LRRC52: variants seen among roughly 807,000 people sequenced by gnomAD.
The protein encoded by LRRC52 is leucine rich repeat containing 52, also known as leucine-rich repeat-containing protein 52.
In LRRC52, 15 loss-of-function variants were observed where a neutral mutation model predicts 14.7. That is an observed-to-expected ratio of 1.02 (90% CI 0.68 to 1.58). The LOEUF (loss-of-function observed/expected upper bound fraction) is 1.58, where lower values mean the gene tolerates loss of function less well. Among genes scored for constraint, LRRC52 ranks in the 40% most tolerant of loss-of-function variants. The pLI, the probability that LRRC52 is intolerant of heterozygous loss-of-function variation, is 0.00. For synonymous variants in LRRC52, 180 were observed against 163.9 expected (o/e 1.10, Z -0.75); for missense variants, 400 against 387.7 (o/e 1.03, Z -0.27).
In LRRC52 at chr1:165,549,311, G is replaced by A. The variant is rs559964034; in HGVS notation, c.622+4393G>A. Reference sequence around the variant, plus strand: ...TCCACTTCCAGAGGCAGGTGTGGATGTGTAGACTACATTCTAGGGATGTGT... The same window carrying A: ...TCCACTTCCAGAGGCAGGTGTGGATATGTAGACTACATTCTAGGGATGTGT... On this transcript the variant is annotated intron_variant, in intron 1 of 1. Coordinates refer to ENST00000294818, the MANE Select transcript of LRRC52 (RefSeq NM_001005214.4). Among the ~76,000 whole-genome samples the A allele has an allele frequency of 7.4e-4, 112 of 152,282 alleles. 1 individual carries two copies. The highest frequency in any genetic ancestry group is 3.4e-3 in the Middle Eastern group (1 of 294).
chr1:165,562,246 T>C (rs1661358843), intron 1 of LRRC52, among the ~76,000 whole-genome samples: 2 of 152,210 alleles, frequency 1.3e-5, no homozygotes, highest in South Asian at 4.1e-4. Context: ...TGCATCAAGG[T>C]TATTATTAGA....
rs376324521 is a variant in LRRC52, at chr1:165,544,505, C to T, written c.209C>T (p.Ala70Val). 23 of 1,614,156 alleles carry T rather than the reference C, an allele frequency of 1.4e-5. No homozygotes were observed. The East Asian group carries it at 2.2e-4, about 16-fold the overall frequency. The change falls in exon 1 of 2, where the codon GCA becomes GTA. Residue 70 changes from alanine (A) to valine (V), a missense_variant. Transcript: ENST00000294818. The part of the protein sequence containing the change: ...LNENRITSLP[A>V]MHLGLLSDLV... ...GAGAACAGAATCACTAGTTTGCCAG[C>T]AATGCATCTAGGACTCCTCAGTGAC... is the stretch of plus-strand genomic sequence containing the variant.
chr1:165,555,022 C>G (rs945204005), intron 1 of LRRC52, among the ~76,000 whole-genome samples: 4 of 152,136 alleles, frequency 2.6e-5, no homozygotes, highest in Non-Finnish European at 5.9e-5. Context: ...TTACTGAGCA[C>G]CAATCAGATG....
In LRRC52 at chr1:165,548,478, C is replaced by T. The variant is rs868320019; in HGVS notation, c.622+3560C>T. On this transcript the variant is annotated intron_variant, in intron 1 of 1. Transcript: ENST00000294818. Reference sequence around the variant, plus strand: ...TTTAGTTGTGCATAACAGAACAAAACAGGGCAGGACAAACGAGGCCAGCAT... The same window carrying T: ...TTTAGTTGTGCATAACAGAACAAAATAGGGCAGGACAAACGAGGCCAGCAT... Among the ~76,000 whole-genome samples, 10 of 152,268 alleles carry T rather than the reference C, an allele frequency of 6.6e-5. No homozygotes were observed. In the South Asian group the frequency reaches 1.7e-3, roughly 25 times the overall value.
At chr1:165,549,321 C>T (rs888167018) in intron 1 of LRRC52, among the ~76,000 whole-genome samples, 1 of 152,140 alleles carries the variant, frequency 6.6e-6, no homozygotes, top group Admixed American at 6.5e-5. Context: ...GTGTAGACTA[C>T]ATTCTAGGGA....
chr1:165,544,159 A>G lies in LRRC52; in HGVS notation c.-138A>G. On this transcript the variant is annotated 5_prime_UTR_variant, in exon 1 of 2. Coordinates refer to ENST00000294818, the MANE Select transcript of LRRC52 (RefSeq NM_001005214.4). ...TTTCTGTTCAGTTCTCCTGTAATGG[A>G]AAATTGCTTTGCACAAAGCTAAAGT... is the stretch of plus-strand genomic sequence containing the variant. The G allele has an allele frequency of 9.0e-7, 1 of 1,109,856 alleles. No homozygotes were observed. Among genetic ancestry groups the G allele is most frequent in the Non-Finnish European group, 1.3e-6 (1 of 777,854 alleles). 68.8% of individuals were successfully genotyped at this position (1,109,856 alleles called of 1,614,324 possible). A position where few individuals can be genotyped will look rare whatever the true frequency, so the allele number is the denominator to read the frequency against.
chr1:165,544,208 T>TGCCCCCCCCCC lies in LRRC52; in HGVS notation c.-89_-88insGCCCCCCCCCC. 1 of 448,100 alleles carries TGCCCCCCCCCC rather than the reference T, an allele frequency of 2.2e-6. No homozygotes were observed. The highest frequency in any genetic ancestry group is 2.3e-5 in the African/African-American group (1 of 42,612). The allele number at this position is 448,100 out of a possible 1,614,324, so 27.8% of individuals were successfully genotyped here. A position where few individuals can be genotyped will look rare whatever the true frequency, so the allele number is the denominator to read the frequency against. On this transcript the variant is annotated 5_prime_UTR_variant, in exon 1 of 2. Transcript: ENST00000294818. ...GTGTTACAGTTCTTTCCAGAGCCCCTCCCCCGCCCCACCCCCCCACCGGCA... is the reference window on the plus strand; with the variant it reads ...GTGTTACAGTTCTTTCCAGAGCCCCTGCCCCCCCCCCCCCCCGCCCCACCCCCCCACCGGCA...
In LRRC52 at chr1:165,563,548, G is replaced by C. The variant is rs114352970; in HGVS notation, c.666G>C (p.Gly222=). The change falls in exon 2 of 2, where the codon GGG becomes GGC. Residue 222 remains glycine, a synonymous_variant. Coordinates refer to ENST00000294818, the MANE Select transcript of LRRC52 (RefSeq NM_001005214.4). ...GTGTGGAGCCCACAGAGCTGACAGGGTGGCCCATCACCCGGGTGGGGAACC... is the reference window on the plus strand; with the variant it reads ...GTGTGGAGCCCACAGAGCTGACAGGCTGGCCCATCACCCGGGTGGGGAACC... ...ATCVEPTELT[G]WPITRVGNPL... 3.1e-6 allele frequency: 5 copies of C among 1,614,194 alleles called. No homozygotes were observed. Among genetic ancestry groups the C allele is most frequent in the Middle Eastern group, 1.6e-4 (1 of 6,062 alleles).
At chr1:165,560,662 C>T (rs1156802161) in intron 1 of LRRC52, among the ~76,000 whole-genome samples, 1 of 152,054 alleles carries the variant, frequency 6.6e-6, no homozygotes, top group East Asian at 1.9e-4. Flanking sequence ...CGCATTTAGG[C>T]TAGATCTTAA....
At chr1:165,561,919 G>C (rs1432233846) in intron 1 of LRRC52, among the ~76,000 whole-genome samples, 2 of 152,220 alleles carry the variant, frequency 1.3e-5, no homozygotes, top group Non-Finnish European at 2.9e-5. Flanking sequence ...ACTTACTTCT[G>C]TACTTTTTCT....
intron 1 of LRRC52, among the ~76,000 whole-genome samples, chr1:165,562,709 G>T (rs866998935): frequency 6.6e-6 from 1 of 151,284 alleles, no homozygotes; most frequent in Middle Eastern, 3.4e-3. Flanking sequence ...TATAGTGAAG[G>T]CCATGGCGCT....
chr1:165,552,929 C>G (rs1031082442), intron 1 of LRRC52, among the ~76,000 whole-genome samples: 4 of 152,168 alleles, frequency 2.6e-5, no homozygotes, highest in Non-Finnish European at 4.4e-5. Context: ...GACATAAACA[C>G]ACTTGGAGGA....
At position 165,544,463 on chromosome 1, in the gene LRRC52, G is replaced by A. The variant is rs142543958; in HGVS notation, c.167G>A (p.Arg56Gln). The change falls in exon 1 of 2, where the codon CGG (arginine) becomes CAG (glutamine). Residue 56 changes from arginine to glutamine, a missense_variant. Coordinates refer to ENST00000294818, the MANE Select transcript of LRRC52 (RefSeq NM_001005214.4). Reference sequence around the variant, plus strand: ...CCCCTTGACATACCCCTGAACACCCGGAGGCTGTTCCTGAACGAGAACAGA... The same window carrying A: ...CCCCTTGACATACCCCTGAACACCCAGAGGCTGTTCCTGAACGAGAACAGA... ...EYPLDIPLNT[R>Q]RLFLNENRIT... 1.6e-5 allele frequency: 26 copies of A among 1,613,948 alleles called. No homozygotes were observed. Among genetic ancestry groups the A allele is most frequent in the African/African-American group, 9.3e-5 (7 of 74,882 alleles).
At chr1:165,555,268 A>C (rs1258354475) in intron 1 of LRRC52, among the ~76,000 whole-genome samples, 2 of 152,146 alleles carry the variant, frequency 1.3e-5, no homozygotes, top group Non-Finnish European at 2.9e-5. Context: ...TTGAGCAGAG[A>C]ACTGAAATAA....
chr1:165,549,858 G>C (rs1661096247), intron 1 of LRRC52, among the ~76,000 whole-genome samples: 1 of 152,028 alleles, frequency 6.6e-6, no homozygotes, highest in African/African-American at 2.4e-5. Flanking sequence ...GCGAGATCTG[G>C]CACCATAATC....
At position 165,550,405 on chromosome 1, in the gene LRRC52, C is replaced by T. The variant is rs74120751; in HGVS notation, c.622+5487C>T. ...ACAGTAGTCACTAGCCGCATGTGGC[C>T]ATTGAGCTCTTGAAATTTGGCTAGA... On this transcript the variant is annotated intron_variant, in intron 1 of 1. Coordinates refer to ENST00000294818, the MANE Select transcript of LRRC52 (RefSeq NM_001005214.4). Among the ~76,000 whole-genome samples the T allele has an allele frequency of 6.4e-3, 980 of 152,292 alleles. 3 individuals carry two copies. Among genetic ancestry groups the T allele is most frequent in the African/African-American group, 0.022 (916 of 41,562 alleles).
chr1:165,561,360 A>G (rs1014774821), intron 1 of LRRC52, among the ~76,000 whole-genome samples: 7 of 152,174 alleles, frequency 4.6e-5, no homozygotes, highest in African/African-American at 1.7e-4. Context: ...CCTTTCTCAA[A>G]TACATCTTTC....
chr1:165,551,459 T>C lies in LRRC52; in HGVS notation c.622+6541T>C, dbSNP rs1661129879. Among the ~76,000 whole-genome samples, 5 of 152,162 alleles carry C rather than the reference T, an allele frequency of 3.3e-5. No individual in the cohort carries two copies. In the South Asian group the frequency reaches 1.0e-3, roughly 32 times the overall value. On this transcript the variant is annotated intron_variant, in intron 1 of 1. Coordinates refer to ENST00000294818, the MANE Select transcript of LRRC52 (RefSeq NM_001005214.4). ...TGCTAATGGCTAGTGTTTTGAAATA[T>C]CCCCTCAGGGAGCATTTGCAATTTG...
chr1:165,554,252 C>T (rs1253129945), intron 1 of LRRC52, among the ~76,000 whole-genome samples: 1 of 152,058 alleles, frequency 6.6e-6, no homozygotes, highest in Non-Finnish European at 1.5e-5. Context: ...CTGAGTGTCA[C>T]ACGAGATGCA....
Sources: gnomAD v4.1 joint callset for allele counts (sites outside exome capture counted in the v4.1 genomes callset) on GRCh38, gnomAD v4.1.1 for gene constraint, MANE v1.5 for transcripts, NCBI Gene and HGNC (gene_info 2026-07-23, HGNC 2026-07-21) for gene names.